RCHY1: variants seen among roughly 807,000 people sequenced by gnomAD.
The protein encoded by RCHY1 is ring finger and CHY zinc finger domain containing 1.
In RCHY1, 21 loss-of-function variants were observed where a neutral mutation model predicts 41.6. The observed-to-expected ratio is 0.51, with a 90% CI of 0.36 to 0.73. The LOEUF (loss-of-function observed/expected upper bound fraction) is 0.73. RCHY1 is among the 30% of genes least tolerant of loss of function. The pLI, the probability that RCHY1 is intolerant of heterozygous loss-of-function variation, is 0.00. For missense variants in RCHY1, 265 were observed against 325.3 expected (o/e 0.81, Z 1.43); for synonymous variants, 79 against 102.9 (o/e 0.77, Z 1.41).
intron 7 of RCHY1, chr4:75,491,358 G>T: frequency 2.8e-6 from 1 of 354,272 alleles, no homozygotes; most frequent in Non-Finnish European, 5.1e-6. Flanking sequence ...GGTATATATG[G>T]CCAGAAAAAA....
intron 1 of RCHY1, 84 bp from the exon 2 acceptor site, chr4:75,509,380 C>G: frequency 7.7e-7 from 1 of 1,305,942 alleles, no homozygotes; most frequent in Non-Finnish European, 1.1e-6. Flanking sequence ...TCTTCCTCCT[C>G]CTCCTGGATG....
chr4:75,505,243 T>C (rs1724182820), intron 3 of RCHY1, among the ~76,000 whole-genome samples: 1 of 152,146 alleles, frequency 6.6e-6, no homozygotes, highest in African/African-American at 2.4e-5. Flanking sequence ...GCTCAGACAG[T>C]AATGGTCGAT....
chr4:75,485,521 CATCTT>C lies in RCHY1; in HGVS notation c.658-2860_658-2856del, dbSNP rs570624892. Among the ~76,000 whole-genome samples the C allele has an allele frequency of 2.7e-3, 413 of 152,168 alleles. 3 individuals are homozygous for C. Among genetic ancestry groups the C allele is most frequent in the African/African-American group, 9.3e-3 (388 of 41,506 alleles). ...CATACCTTTGTTTAAGGTGACTGGC[CATCTT>C]GTCTTAACTTTTACTCACACCATTT... is the stretch of plus-strand genomic sequence containing the variant. On this transcript the variant is annotated intron_variant, in intron 8 of 8. Coordinates refer to ENST00000324439, the MANE Select transcript of RCHY1 (RefSeq NM_015436.4).
At chr4:75,511,888 G>A (rs1265949195) in intron 1 of RCHY1, among the ~76,000 whole-genome samples, 1 of 151,640 alleles carries the variant, frequency 6.6e-6, no homozygotes, top group Non-Finnish European at 1.5e-5. Context: ...AGGACTTCAG[G>A]AATCCCCAGG....
At chr4:75,486,981 A>T (rs753826219) in intron 8 of RCHY1, among the ~76,000 whole-genome samples, 43 of 152,312 alleles carry the variant, frequency 2.8e-4, no homozygotes, top group Admixed American at 4.6e-4. Context: ...TCCGTCTAAA[A>T]AAAAAATTTT....
intron 3 of RCHY1, among the ~76,000 whole-genome samples, chr4:75,499,733 T>TA (rs2148749637): frequency 6.6e-6 from 1 of 152,118 alleles, no homozygotes; most frequent in Non-Finnish European, 1.5e-5. Flanking sequence ...GTCATGAAGA[T>TA]AGAGTAGGCT....
intron 1 of RCHY1, 151 bp downstream of exon 1, chr4:75,514,046 T>C: frequency 1.6e-6 from 2 of 1,250,072 alleles, no homozygotes; most frequent in Non-Finnish European, 2.2e-6. Context: ...GCCAAAAACG[T>C]TCTCCTCAAG....
intron 3 of RCHY1, among the ~76,000 whole-genome samples, chr4:75,502,928 T>A (rs187247688): frequency 6.6e-6 from 1 of 152,148 alleles, no homozygotes; most frequent in African/African-American, 2.4e-5. Context: ...TCTTTGTAGT[T>A]TTCCTTGAAC....
At chr4:75,512,687 C>A (rs1478992996) in intron 1 of RCHY1, among the ~76,000 whole-genome samples, 3 of 152,034 alleles carry the variant, frequency 2.0e-5, no homozygotes, top group Admixed American at 6.6e-5. Flanking sequence ...CCCAAGAATA[C>A]CCTATAAGTG....
rs1208087135 is a variant in RCHY1, at chr4:75,508,924, A to G, written c.222T>C (p.Thr74=). Residue 74 remains threonine, a synonymous_variant, in exon 3 of 9, where the codon ACT becomes ACC. Coordinates refer to ENST00000324439, the MANE Select transcript of RCHY1 (RefSeq NM_015436.4). ...NCEKIQHAQQ[T]CEECSTLFGE... is the part of the protein sequence containing the mutation. Reference sequence around the variant, plus strand: ...CAAACAATGTGCTACATTCTTCACAAGTCTGTTGGGCCTAAAAAAGAAACA... The same window carrying G: ...CAAACAATGTGCTACATTCTTCACAGGTCTGTTGGGCCTAAAAAAGAAACA... The G allele has an allele frequency of 6.3e-7, 1 of 1,596,702 alleles. No individual in the cohort carries two copies. Among genetic ancestry groups the G allele is most frequent in the Non-Finnish European group, 8.5e-7 (1 of 1,173,398 alleles).
Position 75,482,389 on chromosome 4 carries a change from T to C in RCHY1, c.*149A>G, listed in dbSNP as rs1359615413. 1.7e-6 allele frequency: 1 copy of C among 575,452 alleles called. No homozygotes were observed. Among genetic ancestry groups the C allele is most frequent in the African/African-American group, 1.9e-5 (1 of 51,950 alleles). 35.6% of individuals were successfully genotyped at this position (575,452 alleles called of 1,614,324 possible). On this transcript the variant is annotated 3_prime_UTR_variant, in exon 9 of 9. Coordinates refer to ENST00000324439, the MANE Select transcript of RCHY1 (RefSeq NM_015436.4). ...AGTCTATCAAGAGACCCTGAATCCT[T>C]ACGTACTTGTAATATGATTTTATGC...
In RCHY1 at chr4:75,481,885, T is replaced by G. The variant is rs1418661663; in HGVS notation, c.*653A>C. ...GAGTCTTATTATTTTACATAATAAT[T>G]TTCCCAACTACTTTTATGGAATACC... is the stretch of plus-strand genomic sequence containing the variant. On this transcript the variant is annotated 3_prime_UTR_variant, in exon 9 of 9. Transcript: ENST00000324439. 1 of 152,172 alleles carries G rather than the reference T, an allele frequency of 6.6e-6. No individual in the cohort carries two copies. The highest frequency in any genetic ancestry group is 1.5e-5 in the Non-Finnish European group (1 of 68,012). 9.4% of individuals were successfully genotyped at this position (152,172 alleles called of 1,614,324 possible). A position where few individuals can be genotyped will look rare whatever the true frequency, so the allele number is the denominator to read the frequency against.
rs190482986 is a variant in RCHY1, at chr4:75,486,421, C to T, written c.658-3755G>A. 1.6e-3 allele frequency among the ~76,000 whole-genome samples: 244 copies of T among 151,824 alleles called. 1 individual carries two copies. Among genetic ancestry groups the T allele is most frequent in the African/African-American group, 5.7e-3 (236 of 41,452 alleles). ...AGTTTAAGTTTATATACTTTGGCAT[C>T]TTATTTTTATATAGTATAGAAAAAC... On this transcript the variant is annotated intron_variant, in intron 8 of 8. Transcript: ENST00000324439.
chr4:75,489,463 T>TCA (rs1297903533), intron 8 of RCHY1, among the ~76,000 whole-genome samples: 1 of 152,184 alleles, frequency 6.6e-6, no homozygotes, highest in African/African-American at 2.4e-5. Context: ...TTTCACTGGA[T>TCA]AAGTTGTAAA....
At chr4:75,486,431 T>A (rs1169066453) in intron 8 of RCHY1, among the ~76,000 whole-genome samples, 1 of 151,906 alleles carries the variant, frequency 6.6e-6, no homozygotes, top group East Asian at 1.9e-4. Flanking sequence ...CTTATTTTTA[T>A]ATAGTATAGA....
chr4:75,482,244 T>A lies in RCHY1; in HGVS notation c.*294A>T, dbSNP rs1417014653. 1 of 194,126 alleles carries A rather than the reference T, an allele frequency of 5.2e-6. No individual in the cohort carries two copies. The highest frequency in any genetic ancestry group is 1.2e-4 in the East Asian group (1 of 8,400). 12.0% of individuals were successfully genotyped at this position (194,126 alleles called of 1,614,324 possible). A position where few individuals can be genotyped will look rare whatever the true frequency, so the allele number is the denominator to read the frequency against. On this transcript the variant is annotated 3_prime_UTR_variant, in exon 9 of 9. Transcript: ENST00000324439. ...CTTAAAGCAAAGCTTCATGAAAATATAATACACTTCTATGAATGTATCAGT... is the reference window on the plus strand; with the variant it reads ...CTTAAAGCAAAGCTTCATGAAAATAAAATACACTTCTATGAATGTATCAGT...
chr4:75,484,155 T>A (rs1481354672), intron 8 of RCHY1, among the ~76,000 whole-genome samples: 1 of 152,122 alleles, frequency 6.6e-6, no homozygotes. Flanking sequence ...GCATCAGAAG[T>A]GGGATTTGAA....
intron 2 of RCHY1, 48 bp from the exon 3 acceptor site, chr4:75,508,983 G>C: frequency 2.2e-6 from 3 of 1,364,462 alleles, no homozygotes; most frequent in Non-Finnish European, 3.1e-6. Flanking sequence ...AACATTTTGA[G>C]TTACCATTTG....
intron 1 of RCHY1, 73 bp from the exon 2 acceptor site, chr4:75,509,369 T>G (rs1724658118): frequency 1.4e-6 from 2 of 1,426,332 alleles, no homozygotes; most frequent in Admixed American, 2.1e-5. Flanking sequence ...AAAAGAAAAT[T>G]TCTTCCTCCT....
Sources: gnomAD v4.1 joint callset for allele counts (sites outside exome capture counted in the v4.1 genomes callset) on GRCh38, gnomAD v4.1.1 for gene constraint, MANE v1.5 for transcripts, NCBI Gene and HGNC (gene_info 2026-07-23, HGNC 2026-07-21) for gene names.